Variants in CSMD1 observed in about 807,000 individuals in gnomAD.
CSMD1 encodes CUB and sushi domain-containing protein 1.
Under a neutral mutation model 417.5 loss-of-function variants are expected in CSMD1, and 213 were observed. The observed-to-expected ratio is 0.51, with a 90% CI of 0.46 to 0.57. The LOEUF is 0.57. CSMD1 is among the 20% of genes least tolerant of loss of function. The pLI, the probability that CSMD1 is intolerant of heterozygous loss-of-function variation, is 0.00. For missense variants in CSMD1, 6,923 were observed against 4,529.7 expected, an observed-to-expected ratio of 1.53 and a Z score of -15.17; for synonymous variants, 2,862 against 1,736.8, an observed-to-expected ratio of 1.65 and a Z score of -16.11.
chr8:4,893,066 G>T (rs542215024), intron 1 of CSMD1, among the ~76,000 whole-genome samples: 13 of 152,190 alleles, frequency 8.5e-5, no homozygotes, highest in African/African-American at 3.1e-4. Flanking sequence ...GGGCTGTGTC[G>T]ATTATCCCCT....
intron 10 of CSMD1, among the ~76,000 whole-genome samples, chr8:3,541,353 A>G (rs1214761564): frequency 6.6e-6 from 1 of 152,116 alleles, no homozygotes; most frequent in Non-Finnish European, 1.5e-5. Context: ...AGGGAAAGGA[A>G]CAACATGCAC....
chr8:4,170,248 C>T (rs1337869370), intron 3 of CSMD1, among the ~76,000 whole-genome samples: 1 of 151,818 alleles, frequency 6.6e-6, no homozygotes, highest in Non-Finnish European at 1.5e-5. Context: ...CTCTCTTTCT[C>T]TTTTTGAATT....
intron 5 of CSMD1, among the ~76,000 whole-genome samples, chr8:3,899,830 C>T (rs1185409993): frequency 6.6e-6 from 1 of 152,194 alleles, no homozygotes; most frequent in Non-Finnish European, 1.5e-5. Flanking sequence ...GACCCTACCA[C>T]AGGTACTGTG....
chr8:3,426,269 T>A lies in CSMD1; in HGVS notation c.1562-16664A>T, dbSNP rs78149793. ...TAAACGTTCCATCCTGCACATCACA[T>A]GAGTTAAATTATTTCTTGATCATCA... On this transcript the variant is annotated intron_variant, in intron 12 of 69. Coordinates refer to ENST00000635120, the MANE Select transcript of CSMD1 (RefSeq NM_033225.6). Among the ~76,000 whole-genome samples, 450 of 152,310 alleles carry A rather than the reference T, an allele frequency of 3.0e-3. 2 individuals carry two copies. The highest frequency in any genetic ancestry group is 8.3e-3 in the South Asian group (40 of 4,826).
intron 49 of CSMD1, among the ~76,000 whole-genome samples, chr8:3,081,820 A>C (rs574046839): frequency 6.6e-6 from 1 of 152,342 alleles, no homozygotes; most frequent in South Asian, 2.1e-4. Context: ...CCAGTATCTT[A>C]AACTAATTTA....
intron 5 of CSMD1, among the ~76,000 whole-genome samples, chr8:3,990,156 G>C (rs1814636142): frequency 6.6e-6 from 1 of 152,080 alleles, no homozygotes; most frequent in Non-Finnish European, 1.5e-5. Context: ...CTTTTTTATT[G>C]TTTCCAGGAT....
At position 4,594,271 on chromosome 8, in the gene CSMD1, T is replaced by C. The variant is rs567092373; in HGVS notation, c.302+43071A>G. Among the ~76,000 whole-genome samples the C allele has an allele frequency of 3.5e-5, 5 of 143,044 alleles. No homozygotes were observed. In the South Asian group the frequency reaches 1.2e-3, roughly 34 times the overall value. The allele number at this position is 143,044 out of a possible 152,430, so 93.8% of individuals were successfully genotyped here. A position where few individuals can be genotyped will look rare whatever the true frequency, so the allele number is the denominator to read the frequency against. On this transcript the variant is annotated intron_variant, in intron 2 of 69. Coordinates refer to ENST00000635120, the MANE Select transcript of CSMD1 (RefSeq NM_033225.6). ...CAGGCTGGAGTGCAGTGGCGTGATC[T>C]CAGCTCACTGCAACCTCTGACTCCT...
chr8:4,377,862 G>C (rs926647048), intron 3 of CSMD1, among the ~76,000 whole-genome samples: 8 of 152,160 alleles, frequency 5.3e-5, no homozygotes, highest in Non-Finnish European at 1.2e-4. Context: ...CTGTAACTGT[G>C]ATTACTGCCG....
At chr8:4,311,948 C>A (rs1036836917) in intron 3 of CSMD1, among the ~76,000 whole-genome samples, 1 of 151,968 alleles carries the variant, frequency 6.6e-6, no homozygotes, top group Non-Finnish European at 1.5e-5. Context: ...TCACTTGTAT[C>A]CCTAAACCTG....
intron 41 of CSMD1, among the ~76,000 whole-genome samples, chr8:3,141,688 G>A (rs913866610): frequency 6.6e-6 from 1 of 152,130 alleles, no homozygotes; most frequent in African/African-American, 2.4e-5. Flanking sequence ...TTCTGCCATC[G>A]CACTCGGGAA....
At chr8:4,187,162 T>A (rs1333499728) in intron 3 of CSMD1, among the ~76,000 whole-genome samples, 2 of 152,020 alleles carry the variant, frequency 1.3e-5, no homozygotes, top group Non-Finnish European at 2.9e-5. Context: ...GCTTGTAGTA[T>A]TAAAAATAAG....
At chr8:4,352,369 C>T (rs886764230) in intron 3 of CSMD1, among the ~76,000 whole-genome samples, 2 of 152,142 alleles carry the variant, frequency 1.3e-5, no homozygotes, top group Non-Finnish European at 2.9e-5. Context: ...AATTCACAAA[C>T]AGCAATAAAT....
At chr8:4,948,555 A>C (rs10104917) in intron 1 of CSMD1, among the ~76,000 whole-genome samples, 8 of 151,988 alleles carry the variant, frequency 5.3e-5, no homozygotes, top group African/African-American at 1.7e-4. Context: ...TCTGCTAGAA[A>C]ATTTATTCAT....
intron 3 of CSMD1, among the ~76,000 whole-genome samples, chr8:4,303,040 A>C (rs1024073145): frequency 6.6e-6 from 1 of 152,144 alleles, no homozygotes; most frequent in African/African-American, 2.4e-5. Flanking sequence ...GTGTTTAGGG[A>C]AAACACATAC....
chr8:4,823,898 T>C (rs771684748), intron 1 of CSMD1, among the ~76,000 whole-genome samples: 24 of 152,086 alleles, frequency 1.6e-4, no homozygotes, highest in Middle Eastern at 6.8e-3. Context: ...AGAGAAATAC[T>C]CTTAACAAGA....
intron 3 of CSMD1, among the ~76,000 whole-genome samples, chr8:4,408,331 A>C (rs77611133): frequency 0.021 from 3,232 of 152,320 alleles, 99 homozygotes; most frequent in African/African-American, 0.074. Context: ...TACTTAAAAC[A>C]AACTGGGAAG....
In CSMD1 at chr8:3,366,489, A is replaced by G. The variant is rs965624072; in HGVS notation, c.3115+543T>C. 3.9e-5 allele frequency among the ~76,000 whole-genome samples: 6 copies of G among 152,320 alleles called. No homozygotes were observed. The East Asian group carries it at 1.2e-3, about 29-fold the overall frequency. ...AACCTTATGCAAATATTATCTATAT[A>G]TTATCATTAAAAATAAAGATGTTAC... On this transcript the variant is annotated intron_variant, in intron 20 of 69. Transcript: ENST00000635120.
chr8:3,284,107 A>G (rs767623728), intron 26 of CSMD1, 37 bp downstream of exon 26: 1 of 1,458,678 alleles, frequency 6.9e-7, no homozygotes, highest in East Asian at 2.5e-5. Flanking sequence ...CAAGACTTTG[A>G]TATCAAGGTA....
intron 5 of CSMD1, among the ~76,000 whole-genome samples, chr8:3,965,394 T>G (rs12680491): frequency 6.6e-6 from 1 of 152,020 alleles, no homozygotes; most frequent in Non-Finnish European, 1.5e-5. Context: ...ACAAATACAT[T>G]GCCTTAGAGA....
Sources: gnomAD v4.1 joint callset for allele counts (sites outside exome capture counted in the v4.1 genomes callset) on GRCh38, gnomAD v4.1.1 for gene constraint, MANE v1.5 for transcripts, NCBI Gene and HGNC (gene_info 2026-07-23, HGNC 2026-07-21) for gene names.